Variants in RYR2 observed in about 807,000 individuals in gnomAD.
The protein encoded by RYR2 is cardiac muscle ryanodine receptor-calcium release channel.
A neutral mutation model predicts 601.1 loss-of-function variants in RYR2; 227 were observed. The observed-to-expected ratio is 0.38, with a 90% confidence interval of 0.34 to 0.42. The LOEUF is 0.42. RYR2 is among the 10% of genes least tolerant of loss of function. The pLI, the probability that RYR2 is intolerant of heterozygous loss-of-function variation, is 1.00. For missense variants in RYR2, 4,646 were observed against 6,156.5 expected (o/e 0.75, Z 8.21); for synonymous variants, 2,223 against 2,175.1 (o/e 1.02, Z -0.61).
intron 2 of RYR2, among the ~76,000 whole-genome samples, chr1:237,327,000 T>C (rs1433798309): frequency 6.6e-6 from 1 of 152,204 alleles, no homozygotes; most frequent in East Asian, 1.9e-4. Flanking sequence ...GAAATAGACA[T>C]CTAAATGAAG....
intron 87 of RYR2, among the ~76,000 whole-genome samples, chr1:237,775,011 A>G (rs930049325): frequency 8.3e-5 from 12 of 145,138 alleles, no homozygotes; most frequent in African/African-American, 2.8e-4. Flanking sequence ...ACAGATTTCT[A>G]TGTGAATGTT....
intron 76 of RYR2, 133 bp downstream of exon 76, chr1:237,727,332 A>G (rs982688328): frequency 2.3e-6 from 1 of 431,604 alleles, no homozygotes; most frequent in African/African-American, 2.0e-5. Context: ...ATTCTTCTAC[A>G]TAAAACTTGA....
intron 62 of RYR2, among the ~76,000 whole-genome samples, chr1:237,683,801 G>A (rs1467985317): frequency 6.6e-6 from 1 of 152,190 alleles, no homozygotes; most frequent in Non-Finnish European, 1.5e-5. Flanking sequence ...TGATTGATGA[G>A]AGTGGGAGAG....
At chr1:237,136,726 G>T (rs1485737935) in intron 1 of RYR2, among the ~76,000 whole-genome samples, 1 of 152,056 alleles carries the variant, frequency 6.6e-6, no homozygotes, top group African/African-American at 2.4e-5. Context: ...TAAAAAAGAT[G>T]CTGAGCAGGC....
intron 4 of RYR2, among the ~76,000 whole-genome samples, 165 bp from the exon 5 acceptor site, chr1:237,364,193 T>C (rs1215269460): frequency 6.6e-6 from 1 of 152,118 alleles, no homozygotes; most frequent in Non-Finnish European, 1.5e-5. Flanking sequence ...ATGTAGTTGA[T>C]ACTAAGTTTT....
intron 11 of RYR2, among the ~76,000 whole-genome samples, chr1:237,422,139 T>C (rs535129206): frequency 6.6e-6 from 1 of 152,298 alleles, no homozygotes; most frequent in African/African-American, 2.4e-5. Context: ...TGGTTAAAGC[T>C]CCTAAATACA....
chr1:237,702,332 A>G (rs1359758058), intron 66 of RYR2, among the ~76,000 whole-genome samples: 2 of 152,192 alleles, frequency 1.3e-5, no homozygotes, highest in Non-Finnish European at 2.9e-5. Context: ...TTATGAAAGC[A>G]CCTGCTAGTA....
intron 1 of RYR2, among the ~76,000 whole-genome samples, chr1:237,159,118 C>G (rs943901190): frequency 1.3e-5 from 2 of 152,044 alleles, no homozygotes; most frequent in Non-Finnish European, 2.9e-5. Context: ...CATGAAGAAA[C>G]CTGTCTCTAC....
intron 29 of RYR2, 120 bp from the exon 30 acceptor site, chr1:237,589,673 T>C: frequency 1.2e-6 from 1 of 834,822 alleles, no homozygotes. Flanking sequence ...TACACTACTT[T>C]TTTCACCCTA....
At chr1:237,122,217 C>T (rs557511074) in intron 1 of RYR2, among the ~76,000 whole-genome samples, 7 of 152,324 alleles carry the variant, frequency 4.6e-5, no homozygotes, top group Admixed American at 1.3e-4. Context: ...CACCGGGATG[C>T]GCCACATCAG....
chr1:237,720,246 C>T (rs577012622), intron 73 of RYR2, among the ~76,000 whole-genome samples: 34 of 152,140 alleles, frequency 2.2e-4, no homozygotes, highest in South Asian at 1.0e-3. Context: ...TATGAAAATA[C>T]GCAAATGTCA....
chr1:237,403,488 G>T (rs1703573481), intron 10 of RYR2, among the ~76,000 whole-genome samples: 1 of 152,128 alleles, frequency 6.6e-6, no homozygotes, highest in Non-Finnish European at 1.5e-5. Context: ...GTGTGATCAT[G>T]GTTCACTGCA....
chr1:237,170,946 G>A (rs1246658198), intron 1 of RYR2, among the ~76,000 whole-genome samples: 3 of 152,130 alleles, frequency 2.0e-5, no homozygotes, highest in African/African-American at 4.8e-5. Context: ...GTTCCAGGAG[G>A]GATATTGTTT....
intron 71 of RYR2, among the ~76,000 whole-genome samples, chr1:237,714,991 C>CAAAAAAAAA (rs5781983): frequency 1.1e-4 from 5 of 44,450 alleles, no homozygotes; most frequent in Admixed American, 3.2e-4. Context: ...GACTCCATCT[C>CAAAAAAAAA]AAAAAAAAAA....
chr1:237,113,933 C>T (rs376410295), intron 1 of RYR2, among the ~76,000 whole-genome samples: 8 of 152,200 alleles, frequency 5.3e-5, no homozygotes, highest in Middle Eastern at 3.2e-3. Flanking sequence ...GCTTAGACTC[C>T]GGCAGAACAG....
intron 58 of RYR2, among the ~76,000 whole-genome samples, chr1:237,669,618 G>A (rs1484277406): frequency 4.1e-4 from 63 of 152,028 alleles, no homozygotes; most frequent in African/African-American, 1.3e-3. Context: ...CAGACGGGGC[G>A]GCCGGGCAGA....
chr1:237,801,983 G>C lies in RYR2; in HGVS notation c.14151+67G>C. Reference sequence around the variant, plus strand: ...TAGATAAGACTGTGGGAGTTCTGCAGATGGAAGGCTGGTTATTTAGAAAAT... The same window carrying C: ...TAGATAAGACTGTGGGAGTTCTGCACATGGAAGGCTGGTTATTTAGAAAAT... On this transcript the variant is annotated intron_variant, in intron 98 of 104. Coordinates refer to ENST00000366574, the MANE Select transcript of RYR2 (RefSeq NM_001035.3). 3.3e-6 allele frequency: 3 copies of C among 916,802 alleles called. No homozygotes were observed. The East Asian group carries it at 7.3e-5, about 22-fold the overall frequency. The allele number at this position is 916,802 out of a possible 1,614,324, so 56.8% of individuals were successfully genotyped here.
At position 237,666,382 on chromosome 1, in the gene RYR2, A is replaced by G. The variant is rs1413844133; in HGVS notation, c.8437-130A>G. On this transcript the variant is annotated intron_variant, in intron 56 of 104. Transcript: ENST00000366574. ...AGATGTGTTTACAACATCATTTTGT[A>G]TAGAAACTTGCCAGTTTTATCTAAG... 5 of 726,094 alleles carry G rather than the reference A, an allele frequency of 6.9e-6. No homozygotes were observed. The East Asian group carries it at 8.3e-5, about 12-fold the overall frequency. The allele number at this position is 726,094 out of a possible 1,614,324, so 45.0% of individuals were successfully genotyped here.
At chr1:237,268,576 A>G (rs1689303517) in intron 1 of RYR2, among the ~76,000 whole-genome samples, 1 of 152,172 alleles carries the variant, frequency 6.6e-6, no homozygotes, top group African/African-American at 2.4e-5. Flanking sequence ...TGTTAAAAAT[A>G]TTGGGCTTTG....
Sources: allele counts gnomAD v4.1 joint callset (sites outside exome capture counted in the v4.1 genomes callset), GRCh38; gene constraint gnomAD v4.1.1; transcripts MANE v1.5; gene names NCBI Gene and HGNC (gene_info 2026-07-23, HGNC 2026-07-21).